Variants in ADARB1 observed in about 807,000 individuals in gnomAD.
ADARB1 encodes the protein adenosine deaminase RNA specific B1.
In ADARB1, 10 loss-of-function variants were observed where a neutral mutation model predicts 52.4. The observed-to-expected ratio is 0.19, with a 90% CI of 0.12 to 0.32. ADARB1 has a LOEUF of 0.32. ADARB1 is among the 10% of genes least tolerant of loss of function. ADARB1 has a pLI of 1.00. For missense variants in ADARB1, 643 were observed against 922.3 expected, an observed-to-expected ratio of 0.70 and a Z score of 3.92; for synonymous variants, 349 against 371.1, an observed-to-expected ratio of 0.94 and a Z score of 0.68.
intron 2 of ADARB1, among the ~76,000 whole-genome samples, chr21:45,160,744 C>T (rs2090920737): frequency 6.6e-6 from 1 of 152,178 alleles, no homozygotes; most frequent in Non-Finnish European, 1.5e-5. Flanking sequence ...TGAGTGTCCT[C>T]CTTACAGAGC....
rs374663614 is a variant in ADARB1 at position 45,092,470 on chromosome 21, A to G, written c.-220+17677A>G. The stretch of plus-strand genomic sequence containing the variant: ...TTTTTTATATAGTTATACCATTGGA[A>G]TTTACTCTTACCTTCAGGTAACAGT... On this transcript the variant is annotated intron_variant, in intron 1 of 10. Coordinates refer to ENST00000348831, the MANE Select transcript of ADARB1 (RefSeq NM_001112.4). 1.4e-4 allele frequency among the ~76,000 whole-genome samples: 22 copies of G among 152,320 alleles called. No homozygotes were observed. The South Asian group carries it at 2.1e-3, about 14-fold the overall frequency.
intron 2 of ADARB1, among the ~76,000 whole-genome samples, chr21:45,141,915 G>A (rs1400757117): frequency 6.6e-6 from 1 of 151,866 alleles, no homozygotes. Flanking sequence ...TCAGCCACCA[G>A]TGAGTCACCT....
chr21:45,165,447 TCTTG>T (rs530280998), intron 2 of ADARB1, among the ~76,000 whole-genome samples: 5 of 152,250 alleles, frequency 3.3e-5, no homozygotes, highest in Non-Finnish European at 7.3e-5. Context: ...TAGGCACAAA[TCTTG>T]CTTGCTCTGT....
intron 1 of ADARB1, among the ~76,000 whole-genome samples, chr21:45,126,065 CT>C (rs370632708): frequency 9.9e-5 from 15 of 152,232 alleles, no homozygotes; most frequent in African/African-American, 3.6e-4. Context: ...TGATTATTTT[CT>C]TTTGTCTATG....
chr21:45,138,838 G>T (rs75984700), intron 2 of ADARB1, among the ~76,000 whole-genome samples: 1 of 151,944 alleles, frequency 6.6e-6, no homozygotes, highest in African/African-American at 2.4e-5. Flanking sequence ...TCAGTTTCCT[G>T]CATGGAAGGC....
intron 8 of ADARB1, among the ~76,000 whole-genome samples, chr21:45,192,321 T>C (rs2092321570): frequency 6.6e-6 from 1 of 152,200 alleles, no homozygotes; most frequent in African/African-American, 2.4e-5. Context: ...TGATGTATTG[T>C]ATTTTACAAA....
chr21:45,165,201 T>G (rs984759182), intron 2 of ADARB1, among the ~76,000 whole-genome samples: 1 of 152,176 alleles, frequency 6.6e-6, no homozygotes, highest in Non-Finnish European at 1.5e-5. Context: ...AGCCACAGTT[T>G]GATGAAGTTG....
At chr21:45,140,229 C>T (rs2089646807) in intron 2 of ADARB1, among the ~76,000 whole-genome samples, 1 of 152,124 alleles carries the variant, frequency 6.6e-6, no homozygotes, top group African/African-American at 2.4e-5. Context: ...AAAGTGTGCA[C>T]TCTAATATAT....
Position 45,222,840 on chromosome 21 carries a change from GC to G in ADARB1, c.*646del, listed in dbSNP as rs1198157154. Reference sequence around the variant, plus strand: ...CAGACTCCCAGCATGGTGTAGCGTGGCCCTGTCATGCACATGGGGTCCCGCA... The same window carrying G: ...CAGACTCCCAGCATGGTGTAGCGTGGCCTGTCATGCACATGGGGTCCCGCA... On this transcript the variant is annotated 3_prime_UTR_variant, in exon 11 of 11. Transcript: ENST00000348831. 8.1e-6 allele frequency: 8 copies of G among 985,352 alleles called. No homozygotes were observed. The African/African-American group carries it at 1.4e-4, about 17-fold the overall frequency. 61.0% of individuals were successfully genotyped at this position (985,352 alleles called of 1,614,324 possible). A position where few individuals can be genotyped will look rare whatever the true frequency, so the allele number is the denominator to read the frequency against.
intron 2 of ADARB1, among the ~76,000 whole-genome samples, chr21:45,151,263 A>T (rs1299667943): frequency 6.6e-6 from 1 of 152,250 alleles, no homozygotes; most frequent in Non-Finnish European, 1.5e-5. Flanking sequence ...TAGAAAATGA[A>T]AAGAATTCAC....
intron 1 of ADARB1, among the ~76,000 whole-genome samples, chr21:45,094,977 A>T (rs1349091566): frequency 3.9e-5 from 6 of 152,016 alleles, no homozygotes; most frequent in Admixed American, 3.9e-4. Context: ...CACCTTCTCC[A>T]CTATCACGAC....
intron 2 of ADARB1, among the ~76,000 whole-genome samples, chr21:45,161,253 G>T (rs1025768419): frequency 2.0e-5 from 3 of 152,182 alleles, no homozygotes; most frequent in Non-Finnish European, 4.4e-5. Flanking sequence ...CAGGAGCCCT[G>T]CCATCCTGGG....
intron 5 of ADARB1, among the ~76,000 whole-genome samples, chr21:45,180,925 G>A (rs2091908836): frequency 6.6e-6 from 1 of 152,202 alleles, no homozygotes; most frequent in South Asian, 2.1e-4. Context: ...AATTAGTCTA[G>A]AAGTTCCCAG....
rs538465082 is a variant in ADARB1, at chr21:45,201,472, G to A, written c.1566-3083G>A. ...AGCTTAAAGATGCTGAGTCCATAGA[G>A]GCTTCTAATCTGTAGAAGAAAGGGG... is the stretch of plus-strand genomic sequence containing the variant. On this transcript the variant is annotated intron_variant, in intron 8 of 10. Coordinates refer to ENST00000348831, the MANE Select transcript of ADARB1 (RefSeq NM_001112.4). Among the ~76,000 whole-genome samples, 8 of 152,310 alleles carry A rather than the reference G, an allele frequency of 5.3e-5. No homozygotes were observed. The East Asian group carries it at 1.5e-3, about 29-fold the overall frequency.
chr21:45,202,167 C>G (rs747657335), intron 8 of ADARB1, among the ~76,000 whole-genome samples: 1 of 152,086 alleles, frequency 6.6e-6, no homozygotes, highest in Non-Finnish European at 1.5e-5. Context: ...ACCGGGTTCC[C>G]CTTAGGAGAG....
chr21:45,105,993 G>A (rs2087237010), intron 1 of ADARB1, among the ~76,000 whole-genome samples: 1 of 152,150 alleles, frequency 6.6e-6, no homozygotes, highest in African/African-American at 2.4e-5. Context: ...AACTGTAAAG[G>A]AATACCAACA....
chr21:45,139,868 T>C (rs1400960617), intron 2 of ADARB1, among the ~76,000 whole-genome samples: 3 of 152,176 alleles, frequency 2.0e-5, no homozygotes, highest in Non-Finnish European at 2.9e-5. Flanking sequence ...ATTTGTTTTC[T>C]TCTGGGATCT....
chr21:45,225,559 G>C lies in ADARB1; in HGVS notation c.*3362G>C. ...TAATCTCACACAGGTACACTGAGGA[G>C]GGGACGGCTCCGTCTTCACATTGTG... On this transcript the variant is annotated 3_prime_UTR_variant, in exon 11 of 11. Transcript: ENST00000348831. 8 of 1,339,588 alleles carry C rather than the reference G, an allele frequency of 6.0e-6. No individual in the cohort carries two copies. Among genetic ancestry groups the C allele is most frequent in the Non-Finnish European group, 7.7e-6 (8 of 1,033,156 alleles). 83.0% of individuals were successfully genotyped at this position (1,339,588 alleles called of 1,614,324 possible).
chr21:45,088,919 A>G (rs1339729517), intron 1 of ADARB1, among the ~76,000 whole-genome samples: 1 of 152,190 alleles, frequency 6.6e-6, no homozygotes, highest in Non-Finnish European at 1.5e-5. Flanking sequence ...ACGCTCCAGT[A>G]GAGGGACGTC....
Sources: gnomAD v4.1 joint callset for allele counts (sites outside exome capture counted in the v4.1 genomes callset) on GRCh38, gnomAD v4.1.1 for gene constraint, MANE v1.5 for transcripts, NCBI Gene and HGNC (gene_info 2026-07-23, HGNC 2026-07-21) for gene names.